RAB10: variants seen among roughly 807,000 people sequenced by gnomAD.
RAB10 encodes the protein ras-related protein Rab-10.
A neutral mutation model predicts 25.7 loss-of-function variants in RAB10; 5 were observed. That is an observed-to-expected ratio of 0.19 (90% CI 0.10 to 0.41). The LOEUF (loss-of-function observed/expected upper bound fraction) is 0.41, where lower values mean the gene tolerates loss of function less well. Ranked by LOEUF, RAB10 falls within the 10% of genes least tolerant of loss-of-function variation. RAB10 has a pLI of 1.00. For missense variants in RAB10, 103 were observed against 245.8 expected, an observed-to-expected ratio of 0.42 and a Z score of 3.89; for synonymous variants, 89 against 86.4, an observed-to-expected ratio of 1.03 and a Z score of -0.16.
intron 1 of RAB10, among the ~76,000 whole-genome samples, chr2:26,057,290 A>G (rs1359240409): frequency 6.6e-6 from 1 of 152,112 alleles, no homozygotes; most frequent in Non-Finnish European, 1.5e-5. Context: ...GAAGCTGGGC[A>G]TGGTGGTGGG....
intron 3 of RAB10, among the ~76,000 whole-genome samples, chr2:26,119,455 C>G (rs1174695553): frequency 6.6e-6 from 1 of 151,458 alleles, no homozygotes; most frequent in Non-Finnish European, 1.5e-5. Context: ...CTATTTTGAC[C>G]TTTGTCTTAG....
At chr2:26,059,317 G>A (rs1181720626) in intron 1 of RAB10, among the ~76,000 whole-genome samples, 1 of 152,224 alleles carries the variant, frequency 6.6e-6, no homozygotes, top group Non-Finnish European at 1.5e-5. Context: ...GTATGTGCTA[G>A]ATATTGGGGA....
intron 5 of RAB10, 30 bp from the exon 6 acceptor site, chr2:26,134,908 T>A: frequency 6.4e-7 from 1 of 1,551,546 alleles, no homozygotes; most frequent in Non-Finnish European, 8.9e-7. Flanking sequence ...TGTTTTTTCA[T>A]GAGTTATTTT....
chr2:26,034,259 C>T lies in RAB10; in HGVS notation c.-350C>T, dbSNP rs1200070267. 3 of 503,604 alleles carry T rather than the reference C, an allele frequency of 6.0e-6. No homozygotes were observed. The highest frequency in any genetic ancestry group is 1.1e-5 in the Non-Finnish European group (3 of 283,190). The allele number at this position is 503,604 out of a possible 1,614,324, so 31.2% of individuals were successfully genotyped here. A position where few individuals can be genotyped will look rare whatever the true frequency, so the allele number is the denominator to read the frequency against. ...GCTCGGGAGAGAGACTGTCCTCACG[C>T]CCGCTGCGCCTCCTCGACGGCAGAG... is the stretch of plus-strand genomic sequence containing the variant. On this transcript the variant is annotated 5_prime_UTR_variant, in exon 1 of 6. Coordinates refer to ENST00000264710, the MANE Select transcript of RAB10 (RefSeq NM_016131.5).
chr2:26,086,349 A>C (rs768150636), intron 1 of RAB10, among the ~76,000 whole-genome samples: 44 of 152,208 alleles, frequency 2.9e-4, no homozygotes, highest in Admixed American at 1.2e-3. Context: ...AAACACATGG[A>C]AAGTTCTCAA....
At chr2:26,089,245 T>C (rs1667053586) in intron 1 of RAB10, among the ~76,000 whole-genome samples, 1 of 151,670 alleles carries the variant, frequency 6.6e-6, no homozygotes, top group South Asian at 2.1e-4. Flanking sequence ...GCCAAAATGG[T>C]GAAACCCTGT....
chr2:26,127,998 T>C (rs1559600262), intron 5 of RAB10, 47 bp downstream of exon 5: 2 of 1,438,626 alleles, frequency 1.4e-6, no homozygotes, highest in African/African-American at 2.8e-5. Flanking sequence ...GTATCTCTGT[T>C]GAATATTTTG....
rs565175639 is a variant in RAB10, at chr2:26,054,054, T to C, written c.127+19319T>C. Among the ~76,000 whole-genome samples the C allele has an allele frequency of 3.6e-3, 520 of 144,592 alleles. 1 individual carries two copies. Among genetic ancestry groups the C allele is most frequent in the Admixed American group, 5.8e-3 (84 of 14,580 alleles). The allele number at this position is 144,592 out of a possible 152,430, so 94.9% of individuals were successfully genotyped here. A position where few individuals can be genotyped will look rare whatever the true frequency, so the allele number is the denominator to read the frequency against. On this transcript the variant is annotated intron_variant, in intron 1 of 5. Coordinates refer to ENST00000264710, the MANE Select transcript of RAB10 (RefSeq NM_016131.5). ...CCTTCTGTTCTTTTTTTTTTTTTTT[T>C]CCTGTTTTTTTGAGCTGGAGTCTTG... is the stretch of plus-strand genomic sequence containing the variant.
chr2:26,033,509 G>A (rs4665298), upstream of RAB10, among the ~76,000 whole-genome samples: 114,197 of 152,190 alleles, frequency 0.75, 43,019 homozygotes, highest in East Asian at 0.87. Flanking sequence ...ATGTTTCCCC[G>A]TCAGGGCTGG....
At chr2:26,038,210 T>A (rs1665805466) in intron 1 of RAB10, among the ~76,000 whole-genome samples, 1 of 151,020 alleles carries the variant, frequency 6.6e-6, no homozygotes, top group African/African-American at 2.4e-5. Flanking sequence ...TTTTTTTTTT[T>A]TTTGAGATGG....
intron 2 of RAB10, among the ~76,000 whole-genome samples, chr2:26,099,336 G>A (rs1291024808): frequency 1.3e-5 from 2 of 152,118 alleles, no homozygotes; most frequent in African/African-American, 4.8e-5. Context: ...CACATAAAGT[G>A]TAAAATTTGT....
chr2:26,052,995 T>G (rs545113900), intron 1 of RAB10, among the ~76,000 whole-genome samples: 40 of 152,306 alleles, frequency 2.6e-4, no homozygotes, highest in Non-Finnish European at 5.0e-4. Flanking sequence ...AAGCTTGTTT[T>G]CATCTACTGT....
chr2:26,035,291 G>C (rs1293303300), intron 1 of RAB10, among the ~76,000 whole-genome samples: 1 of 152,118 alleles, frequency 6.6e-6, no homozygotes, highest in Non-Finnish European at 1.5e-5. Flanking sequence ...TTCGCGCTTG[G>C]GGTGGGACTC....
intron 1 of RAB10, among the ~76,000 whole-genome samples, chr2:26,054,661 C>T (rs536962529): frequency 5.8e-4 from 88 of 152,182 alleles, no homozygotes; most frequent in Admixed American, 4.1e-3. Context: ...AAAACTTTTT[C>T]GTTATTTTGA....
At chr2:26,086,034 G>A (rs946579404) in intron 1 of RAB10, among the ~76,000 whole-genome samples, 1 of 142,274 alleles carries the variant, frequency 7.0e-6, no homozygotes, top group East Asian at 2.2e-4. Flanking sequence ...GGGCAAAGGG[G>A]CCCGATGCGG....
At chr2:26,060,632 T>C (rs1666374715) in intron 1 of RAB10, among the ~76,000 whole-genome samples, 1 of 152,212 alleles carries the variant, frequency 6.6e-6, no homozygotes, top group South Asian at 2.1e-4. Context: ...ATCCTTATTT[T>C]GCCAGTGAGA....
chr2:26,054,469 C>G (rs574306234), intron 1 of RAB10, among the ~76,000 whole-genome samples: 1 of 152,074 alleles, frequency 6.6e-6, no homozygotes, highest in Non-Finnish European at 1.5e-5. Context: ...GCATTATAGG[C>G]GTGAGCCACC....
At chr2:26,071,265 A>G (rs1666620322) in intron 1 of RAB10, among the ~76,000 whole-genome samples, 1 of 152,252 alleles carries the variant, frequency 6.6e-6, no homozygotes, top group South Asian at 2.1e-4. Flanking sequence ...CCATTTTTAT[A>G]GAACATCATT....
At chr2:26,094,191 T>G (rs1173959062) in intron 1 of RAB10, among the ~76,000 whole-genome samples, 1 of 151,758 alleles carries the variant, frequency 6.6e-6, no homozygotes. Context: ...ACCCAGCCTT[T>G]TTCCTTACTT....
Sources: gnomAD v4.1 joint callset for allele counts (sites outside exome capture counted in the v4.1 genomes callset) on GRCh38, gnomAD v4.1.1 for gene constraint, MANE v1.5 for transcripts, NCBI Gene and HGNC (gene_info 2026-07-23, HGNC 2026-07-21) for gene names.